ARHGAP26: variants seen among roughly 807,000 people sequenced by gnomAD.
The protein encoded by ARHGAP26 is Rho GTPase activating protein 26.
In ARHGAP26, 38 loss-of-function variants were observed where a neutral mutation model predicts 104.8. That is an observed-to-expected ratio of 0.36 (90% CI 0.28 to 0.48). The LOEUF (loss-of-function observed/expected upper bound fraction) is 0.48. ARHGAP26 is among the 20% of genes least tolerant of loss of function. The pLI is 0.99. For synonymous variants in ARHGAP26, 341 were observed against 340.0 expected, an observed-to-expected ratio of 1.00 and a Z score of -0.03; for missense variants, 704 against 947.9, an observed-to-expected ratio of 0.74 and a Z score of 3.38.
intron 11 of ARHGAP26, among the ~76,000 whole-genome samples, chr5:143,011,794 C>T (rs1030473211): frequency 2.0e-5 from 3 of 152,202 alleles, no homozygotes; most frequent in African/African-American, 7.2e-5. Context: ...GTAGAAATTA[C>T]ACAACCTCTA....
chr5:143,154,424 C>T (rs148325125), intron 20 of ARHGAP26, among the ~76,000 whole-genome samples: 4 of 152,280 alleles, frequency 2.6e-5, no homozygotes, highest in Non-Finnish European at 5.9e-5. Flanking sequence ...CTTTTACTTA[C>T]GTATTTTAGT....
At chr5:142,983,417 G>T (rs1456508153) in intron 11 of ARHGAP26, among the ~76,000 whole-genome samples, 1 of 152,188 alleles carries the variant, frequency 6.6e-6, no homozygotes, top group African/African-American at 2.4e-5. Flanking sequence ...TGTTGGCCAG[G>T]CTGGTCTTGA....
At chr5:143,037,152 T>G (rs1466708880) in intron 12 of ARHGAP26, 44 bp from the exon 13 acceptor site, 5 of 1,552,914 alleles carry the variant, frequency 3.2e-6, no homozygotes, top group Non-Finnish European at 4.4e-6. Flanking sequence ...CTGAGGTTGA[T>G]TTCCATGGCT....
chr5:143,120,927 G>A, intron 17 of ARHGAP26, 61 bp from the exon 18 acceptor site: 5 of 1,513,658 alleles, frequency 3.3e-6, no homozygotes, highest in Non-Finnish European at 4.5e-6. Context: ...GATACAGGGT[G>A]GTTGGTATCT....
intron 18 of ARHGAP26, among the ~76,000 whole-genome samples, chr5:143,125,916 C>T (rs2150834171): frequency 6.6e-6 from 1 of 152,312 alleles, no homozygotes; most frequent in Middle Eastern, 3.4e-3. Flanking sequence ...AGGAGAGGAA[C>T]AGGGGTTGAA....
intron 11 of ARHGAP26, among the ~76,000 whole-genome samples, chr5:142,932,397 C>T (rs1400578928): frequency 6.6e-6 from 1 of 152,196 alleles, no homozygotes; most frequent in Non-Finnish European, 1.5e-5. Context: ...ACTTCTGGTT[C>T]AGCCTCCCGT....
At chr5:142,920,351 G>T (rs1044817572) in intron 10 of ARHGAP26, among the ~76,000 whole-genome samples, 3 of 152,180 alleles carry the variant, frequency 2.0e-5, no homozygotes, top group African/African-American at 7.2e-5. Flanking sequence ...TATTTGTTTA[G>T]GCTAAAGAAT....
chr5:142,910,975 A>G (rs1430193761), intron 9 of ARHGAP26, among the ~76,000 whole-genome samples: 3 of 152,194 alleles, frequency 2.0e-5, no homozygotes, highest in Non-Finnish European at 4.4e-5. Flanking sequence ...TTTTCCTAAC[A>G]TGCTCTTTCT....
intron 2 of ARHGAP26, 32 bp from the exon 3 acceptor site, chr5:142,875,078 C>T: frequency 6.4e-7 from 1 of 1,573,410 alleles, no homozygotes; most frequent in Non-Finnish European, 8.7e-7. Flanking sequence ...CATGACACTC[C>T]TTCCACCTCA....
chr5:142,811,039 G>A (rs1003841240), intron 1 of ARHGAP26, among the ~76,000 whole-genome samples: 1 of 152,200 alleles, frequency 6.6e-6, no homozygotes, highest in Non-Finnish European at 1.5e-5. Flanking sequence ...GAATTGTGGG[G>A]CATGACACAA....
At position 143,134,014 on chromosome 5, in the gene ARHGAP26, C is replaced by T; in HGVS notation, c.1746C>T (p.His582=). The part of the protein sequence containing the change: ...PDMPLTNAQL[H]LSRKKSSDSK... ...TGCCTCTCACCAATGCCCAGCTGCA[C>T]CTGTCTCGGAAGAAGAGCAGTGACT... is the stretch of plus-strand genomic sequence containing the variant. Residue 582 remains histidine (H), a synonymous_variant, in exon 19 of 23, where the codon CAC becomes CAT. Coordinates refer to ENST00000645722, the MANE Select transcript of ARHGAP26 (RefSeq NM_001135608.3). 6.2e-7 allele frequency: 1 copy of T among 1,613,024 alleles called. No homozygotes were observed. The highest frequency in any genetic ancestry group is 8.5e-7 in the Non-Finnish European group (1 of 1,179,516).
At chr5:142,843,978 T>C (rs1317543358) in intron 1 of ARHGAP26, among the ~76,000 whole-genome samples, 1 of 152,082 alleles carries the variant, frequency 6.6e-6, no homozygotes, top group East Asian at 1.9e-4. Context: ...CTCCTTCCAT[T>C]GTTGTGGGGA....
At chr5:143,034,970 G>C (rs1179857521) in intron 12 of ARHGAP26, among the ~76,000 whole-genome samples, 1 of 152,164 alleles carries the variant, frequency 6.6e-6, no homozygotes, top group Admixed American at 6.5e-5. Flanking sequence ...ACAAGGGATT[G>C]GGTTAATAGG....
chr5:142,809,093 AGTG>A (rs1379357144), intron 1 of ARHGAP26, among the ~76,000 whole-genome samples: 1 of 152,206 alleles, frequency 6.6e-6, no homozygotes. Flanking sequence ...GACTTAGTTG[AGTG>A]CAACTGCATG....
At chr5:143,117,706 G>T (rs1313542674) in intron 17 of ARHGAP26, among the ~76,000 whole-genome samples, 1 of 152,148 alleles carries the variant, frequency 6.6e-6, no homozygotes, top group Non-Finnish European at 1.5e-5. Context: ...ATGCCTTTGG[G>T]CACTGGGGCC....
chr5:143,218,942 C>T (rs1274193026), intron 22 of ARHGAP26, among the ~76,000 whole-genome samples: 1 of 152,210 alleles, frequency 6.6e-6, no homozygotes, highest in African/African-American at 2.4e-5. Flanking sequence ...TAACTTTTCA[C>T]AGCCACAGTT....
chr5:142,988,022 G>A (rs1217235175), intron 11 of ARHGAP26, among the ~76,000 whole-genome samples: 4 of 152,206 alleles, frequency 2.6e-5, no homozygotes, highest in African/African-American at 9.7e-5. Context: ...ATGAGTTAGG[G>A]AGGATTCCCT....
chr5:143,050,221 G>C (rs1363102132), intron 14 of ARHGAP26, among the ~76,000 whole-genome samples: 1 of 152,222 alleles, frequency 6.6e-6, no homozygotes, highest in Non-Finnish European at 1.5e-5. Context: ...TGTTGACTGA[G>C]AGCCTAATTT....
intron 11 of ARHGAP26, among the ~76,000 whole-genome samples, chr5:142,992,457 G>A (rs1194107543): frequency 6.7e-6 from 1 of 149,804 alleles, no homozygotes; most frequent in African/African-American, 2.5e-5. Flanking sequence ...TTTTTGAGAG[G>A]GAGTCTTGCC....
Sources: gnomAD v4.1 joint callset for allele counts (sites outside exome capture counted in the v4.1 genomes callset) on GRCh38, gnomAD v4.1.1 for gene constraint, MANE v1.5 for transcripts, NCBI Gene and HGNC (gene_info 2026-07-23, HGNC 2026-07-21) for gene names.